Variants in PLAA observed in about 807,000 individuals in gnomAD.
PLAA encodes phospholipase A2 activating protein, also known as phospholipase A-2-activating protein.
Under a neutral mutation model 84.1 loss-of-function variants are expected in PLAA, and 48 were observed. That is an observed-to-expected ratio of 0.57 (90% CI 0.45 to 0.73). The LOEUF (loss-of-function observed/expected upper bound fraction) is 0.73, where lower values mean the gene tolerates loss of function less well. Ranked by LOEUF, PLAA falls within the 30% of genes least tolerant of loss-of-function variation. PLAA has a pLI of 0.00. For synonymous variants in PLAA, 392 were observed against 336.6 expected (o/e 1.16, Z -1.80); for missense variants, 903 against 954.7 (o/e 0.95, Z 0.71).
intron 1 of PLAA, among the ~76,000 whole-genome samples, chr9:26,942,244 A>G (rs542905334): frequency 4.6e-5 from 7 of 152,242 alleles, no homozygotes; most frequent in African/African-American, 1.7e-4. Flanking sequence ...AACCAAGAGA[A>G]AGCTAAAGGA....
At chr9:26,937,684 T>C (rs1208542030) in intron 1 of PLAA, among the ~76,000 whole-genome samples, 1 of 152,006 alleles carries the variant, frequency 6.6e-6, no homozygotes, top group Non-Finnish European at 1.5e-5. Flanking sequence ...AAAACTGAAG[T>C]ATCAGTAAAG....
chr9:26,922,734 TCGGCTCACCG>T (rs1563911849), intron 7 of PLAA, among the ~76,000 whole-genome samples: 2 of 151,660 alleles, frequency 1.3e-5, no homozygotes, highest in African/African-American at 4.9e-5. Flanking sequence ...TGGTGTGGTG[TCGGCTCACCG>T]CAGCCTCAAC....
At chr9:26,940,380 A>G (rs147117400) in intron 1 of PLAA, among the ~76,000 whole-genome samples, 2 of 152,344 alleles carry the variant, frequency 1.3e-5, no homozygotes, top group Non-Finnish European at 2.9e-5. Flanking sequence ...ATTGTGCTAA[A>G]CGAAATAAGC....
In PLAA at chr9:26,904,384, A is replaced by G. The variant is rs1824166918; in HGVS notation, c.*1127T>C. The G allele has an allele frequency of 6.6e-6, 1 of 152,166 alleles. No individual in the cohort carries two copies. The highest frequency in any genetic ancestry group is 6.5e-5 in the Admixed American group (1 of 15,282). The allele number at this position is 152,166 out of a possible 1,614,324, so 9.4% of individuals were successfully genotyped here. A position where few individuals can be genotyped will look rare whatever the true frequency, so the allele number is the denominator to read the frequency against. Reference sequence around the variant, plus strand: ...AAACTGGGTTACCTCAGACACAATAAATTGTGTAATTAATGTGATGGTTCC... The same window carrying G: ...AAACTGGGTTACCTCAGACACAATAGATTGTGTAATTAATGTGATGGTTCC... On this transcript the variant is annotated 3_prime_UTR_variant, in exon 14 of 14. Transcript: ENST00000397292.
intron 12 of PLAA, among the ~76,000 whole-genome samples, chr9:26,909,264 A>G (rs1209942337): frequency 6.6e-6 from 1 of 152,232 alleles, no homozygotes; most frequent in Non-Finnish European, 1.5e-5. Flanking sequence ...CTTTAACTCT[A>G]ATAAATAAAA....
chr9:26,919,741 G>T (rs752828592), intron 8 of PLAA, among the ~76,000 whole-genome samples: 19 of 152,176 alleles, frequency 1.2e-4, no homozygotes, highest in Non-Finnish European at 2.5e-4. Flanking sequence ...GGGGATGGGG[G>T]TGAGGATGAA....
chr9:26,935,210 G>C lies in PLAA; in HGVS notation c.150-4C>G, dbSNP rs1825320439. On this transcript the variant is annotated splice_polypyrimidine_tract_variant and splice_region_variant and intron_variant, in intron 1 of 13. Transcript: ENST00000397292. ...TTCTGTAAAGCTCCTGTTTGGACTG[G>C]AAAGACAAGATAATTAATAGATACA... 4 of 1,533,634 alleles carry C rather than the reference G, an allele frequency of 2.6e-6. No homozygotes were observed. The highest frequency in any genetic ancestry group is 3.5e-6 in the Non-Finnish European group (4 of 1,145,320).
chr9:26,923,336 A>G lies in PLAA; in HGVS notation c.881T>C (p.Ile294Thr). The G allele has an allele frequency of 1.2e-6, 2 of 1,606,708 alleles. No individual in the cohort carries two copies. Among genetic ancestry groups the G allele is most frequent in the Non-Finnish European group, 1.7e-6 (2 of 1,175,312 alleles). The change falls in exon 7 of 14, where the codon ATT becomes ACT. Residue 294 changes from isoleucine to threonine, a missense_variant. Coordinates refer to ENST00000397292, the MANE Select transcript of PLAA (RefSeq NM_001031689.3). Reference protein sequence around the residue: ...DIVVGASDGIIRVFTESEDRT... With the variant: ...DIVVGASDGITRVFTESEDRT... ...ATCTTCTGATTCTGTAAACACTCTA[A>G]TAATGCCATCACTGTAAGGAAAAAT...
intron 10 of PLAA, chr9:26,916,615 G>A: frequency 2.0e-6 from 2 of 988,994 alleles, no homozygotes; most frequent in Non-Finnish European, 2.4e-6. Flanking sequence ...CAATATCAGG[G>A]CTCACATGGC....
Position 26,946,930 on chromosome 9 carries a change from C to A in PLAA, c.116G>T (p.Arg39Leu). 6.3e-7 allele frequency: 1 copy of A among 1,580,618 alleles called. No individual in the cohort carries two copies. The highest frequency in any genetic ancestry group is 8.6e-7 in the Non-Finnish European group (1 of 1,162,956). ...GGCCCAGAGGCGGGTGGTGCGGTCT[C>A]GGGACACGGACACAAAGGCTCCCGG... Reference protein sequence around the residue: ...YPPGAFVSVSRDRTTRLWAPD... With the variant: ...YPPGAFVSVSLDRTTRLWAPD... The change falls in exon 1 of 14, where the codon CGA becomes CTA. Residue 39 changes from arginine to leucine, a missense_variant. Coordinates refer to ENST00000397292, the MANE Select transcript of PLAA (RefSeq NM_001031689.3).
intron 1 of PLAA, among the ~76,000 whole-genome samples, chr9:26,942,478 A>G (rs1825570787): frequency 6.6e-6 from 1 of 152,256 alleles, no homozygotes; most frequent in Non-Finnish European, 1.5e-5. Flanking sequence ...ATAAATACAT[A>G]GTAAGCTAAG....
At chr9:26,938,302 G>C (rs1353923715) in intron 1 of PLAA, among the ~76,000 whole-genome samples, 3 of 152,150 alleles carry the variant, frequency 2.0e-5, no homozygotes, top group Non-Finnish European at 1.5e-5. Context: ...GAGCCCAGAA[G>C]TTGGAGGCTG....
chr9:26,928,961 G>A (rs1825076301), intron 2 of PLAA, among the ~76,000 whole-genome samples: 1 of 152,206 alleles, frequency 6.6e-6, no homozygotes, highest in Non-Finnish European at 1.5e-5. Context: ...ACTTTGGGAG[G>A]CCAAGGCAGG....
chr9:26,919,122 T>G (rs147277959), intron 9 of PLAA, 188 bp downstream of exon 9: 6 of 422,686 alleles, frequency 1.4e-5, no homozygotes, highest in Non-Finnish European at 2.5e-5. Flanking sequence ...GACAACAATT[T>G]ACTATTATTT....
chr9:26,938,756 A>G (rs925299790), intron 1 of PLAA, among the ~76,000 whole-genome samples: 8 of 152,200 alleles, frequency 5.3e-5, no homozygotes, highest in Non-Finnish European at 1.0e-4. Flanking sequence ...ATGTCATTTA[A>G]GAAACATTAC....
At position 26,925,733 on chromosome 9, in the gene PLAA, C is replaced by T. The variant is rs1020837069; in HGVS notation, c.869+92G>A. 26 of 1,108,792 alleles carry T rather than the reference C, an allele frequency of 2.3e-5. No individual in the cohort carries two copies. The East Asian group carries it at 3.3e-4, about 14-fold the overall frequency. The allele number at this position is 1,108,792 out of a possible 1,614,324, so 68.7% of individuals were successfully genotyped here. On this transcript the variant is annotated intron_variant, in intron 6 of 13. Transcript: ENST00000397292. ...GTGTCCATATAGTCTCCTCAAGTCA[C>T]GTGAAATTCCTTATGGCTTATCTCT...
At chr9:26,907,398 G>A (rs955335002) in intron 13 of PLAA, among the ~76,000 whole-genome samples, 1 of 152,100 alleles carries the variant, frequency 6.6e-6, no homozygotes, top group Non-Finnish European at 1.5e-5. Flanking sequence ...GCATGGTGGC[G>A]GGTGCCTATA....
At chr9:26,924,432 CCTT>C (rs1337392268) in intron 6 of PLAA, among the ~76,000 whole-genome samples, 1 of 152,116 alleles carries the variant, frequency 6.6e-6, no homozygotes, top group Non-Finnish European at 1.5e-5. Context: ...CAGCAGCTGG[CCTT>C]CTTATTGCTT....
intron 4 of PLAA, among the ~76,000 whole-genome samples, chr9:26,927,299 T>A (rs543894643): frequency 1.1e-4 from 17 of 151,938 alleles, no homozygotes; most frequent in Admixed American, 2.6e-4. Flanking sequence ...TTTTTTGTAT[T>A]TCTAATAGAG....
Sources: allele counts gnomAD v4.1 joint callset (sites outside exome capture counted in the v4.1 genomes callset), GRCh38; gene constraint gnomAD v4.1.1; transcripts MANE v1.5; gene names NCBI Gene and HGNC (gene_info 2026-07-23, HGNC 2026-07-21).